Variants in GOLM2 observed in about 807,000 individuals in gnomAD.
The protein encoded by GOLM2 is golgi membrane protein 2.
In GOLM2, 26 loss-of-function variants were observed where a neutral mutation model predicts 55.9. The observed-to-expected ratio is 0.47, with a 90% CI of 0.34 to 0.65. GOLM2 has a LOEUF of 0.65. GOLM2 is among the 30% of genes least tolerant of loss of function. The pLI is 0.01. For synonymous variants in GOLM2, 165 were observed against 194.6 expected, an observed-to-expected ratio of 0.85 and a Z score of 1.27; for missense variants, 486 against 531.8, an observed-to-expected ratio of 0.91 and a Z score of 0.85.
intron 6 of GOLM2, among the ~76,000 whole-genome samples, chr15:44,358,766 A>G (rs995290423): frequency 6.6e-6 from 1 of 152,122 alleles, no homozygotes; most frequent in African/African-American, 2.4e-5. Context: ...ACAAGAGAAA[A>G]CCTGGATTAC....
intron 4 of GOLM2, among the ~76,000 whole-genome samples, chr15:44,332,824 T>TG (rs1224403212): frequency 1.8e-4 from 27 of 151,686 alleles, no homozygotes; most frequent in East Asian, 1.2e-3. Flanking sequence ...ATACTTTTTT[T>TG]GGGGGGGGCA....
In GOLM2 at chr15:44,412,330, G is replaced by A. The variant is rs567422456; in HGVS notation, c.1241-1006G>A. ...AGCCAAGAAAGAGCCAGAAAAATCT[G>A]TAATAGCCAAATAAATCAAACTCCA... On this transcript the variant is annotated intron_variant, in intron 9 of 9. Coordinates refer to ENST00000299957, the MANE Select transcript of GOLM2 (RefSeq NM_138423.4). 4.6e-5 allele frequency among the ~76,000 whole-genome samples: 7 copies of A among 152,240 alleles called. No homozygotes were observed. The East Asian group carries it at 7.7e-4, about 17-fold the overall frequency.
chr15:44,306,159 A>G (rs2078835487), intron 1 of GOLM2, among the ~76,000 whole-genome samples: 1 of 152,210 alleles, frequency 6.6e-6, no homozygotes, highest in Non-Finnish European at 1.5e-5. Context: ...TCTTCTTCCA[A>G]TAGAAGGCTG....
chr15:44,320,026 C>T (rs1392059395), intron 1 of GOLM2, among the ~76,000 whole-genome samples: 8 of 152,156 alleles, frequency 5.3e-5, no homozygotes, highest in African/African-American at 1.7e-4. Flanking sequence ...AATTCCAGAA[C>T]GTTTTCATCA....
At chr15:44,307,089 G>A (rs2078842621) in intron 1 of GOLM2, 1 of 154,806 alleles carries the variant, frequency 6.5e-6, no homozygotes, top group African/African-American at 2.4e-5. Flanking sequence ...ACATTTGCTC[G>A]ATGCAGGGTT....
At chr15:44,319,203 T>C (rs1389129850) in intron 1 of GOLM2, among the ~76,000 whole-genome samples, 1 of 152,102 alleles carries the variant, frequency 6.6e-6, no homozygotes, top group East Asian at 1.9e-4. Flanking sequence ...GTCTGTTGTG[T>C]TATCCTCAGT....
At position 44,396,100 on chromosome 15, in the gene GOLM2, A is replaced by G. The variant is rs532568124; in HGVS notation, c.1073-6787A>G. 5.3e-5 allele frequency among the ~76,000 whole-genome samples: 8 copies of G among 152,262 alleles called. No individual in the cohort carries two copies. In the South Asian group the frequency reaches 1.7e-3, roughly 32 times the overall value. The stretch of plus-strand genomic sequence containing the variant: ...CCAGGTGTGGTGGCTCATGACTGTA[A>G]TCCCAGCACTTTGGGAGGCCGAGGT... On this transcript the variant is annotated intron_variant, in intron 8 of 9. Transcript: ENST00000299957.
At chr15:44,293,728 A>G (rs908545246) in intron 1 of GOLM2, among the ~76,000 whole-genome samples, 1 of 152,142 alleles carries the variant, frequency 6.6e-6, no homozygotes, top group African/African-American at 2.4e-5. Flanking sequence ...GTTAACCTCT[A>G]TCACCTGGCG....
chr15:44,367,536 C>G (rs1293699208), intron 6 of GOLM2, among the ~76,000 whole-genome samples: 1 of 152,030 alleles, frequency 6.6e-6, no homozygotes, highest in African/African-American at 2.4e-5. Flanking sequence ...TGGCTCATGC[C>G]TGTAATCCCA....
intron 6 of GOLM2, among the ~76,000 whole-genome samples, chr15:44,362,433 C>A (rs2079247991): frequency 6.7e-6 from 1 of 150,022 alleles, no homozygotes; most frequent in Non-Finnish European, 1.5e-5. Context: ...GAGTGAACTC[C>A]CATTCACAAT....
chr15:44,377,061 T>C (rs144400017), intron 6 of GOLM2, among the ~76,000 whole-genome samples: 2 of 152,318 alleles, frequency 1.3e-5, no homozygotes, highest in Non-Finnish European at 2.9e-5. Context: ...GTTAAGTTGT[T>C]ACAGTTTATG....
At chr15:44,303,102 CAATA>C (rs71111853) in intron 1 of GOLM2, among the ~76,000 whole-genome samples, 49,394 of 146,776 alleles carry the variant, frequency 0.34, 8,712 homozygotes, top group Middle Eastern at 0.46. Flanking sequence ...TACTCCATCT[CAATA>C]AATAAATAAA....
intron 1 of GOLM2, among the ~76,000 whole-genome samples, chr15:44,306,680 G>C (rs568341969): frequency 6.6e-6 from 1 of 152,178 alleles, no homozygotes; most frequent in Admixed American, 6.6e-5. Flanking sequence ...TTGATTTAAA[G>C]TGAGAGACAT....
intron 2 of GOLM2, among the ~76,000 whole-genome samples, chr15:44,327,395 C>T (rs1471385493): frequency 6.6e-6 from 1 of 151,856 alleles, no homozygotes; most frequent in Non-Finnish European, 1.5e-5. Flanking sequence ...TCTATAAATA[C>T]ACGTATATAT....
At chr15:44,340,266 G>A (rs1281004782) in intron 6 of GOLM2, among the ~76,000 whole-genome samples, 21 of 151,888 alleles carry the variant, frequency 1.4e-4, no homozygotes, top group Admixed American at 1.2e-3. Context: ...GAGAGAGAGA[G>A]CCAAAAATTA....
chr15:44,380,314 TGAG>T (rs2079393193), intron 7 of GOLM2, among the ~76,000 whole-genome samples: 1 of 152,070 alleles, frequency 6.6e-6, no homozygotes, highest in South Asian at 2.1e-4. Flanking sequence ...AAGTCATTGA[TGAG>T]GATAAAAAGG....
intron 1 of GOLM2, among the ~76,000 whole-genome samples, chr15:44,310,754 C>T (rs1264431517): frequency 1.1e-4 from 17 of 151,196 alleles, no homozygotes; most frequent in South Asian, 2.1e-4. Flanking sequence ...CACAGTGGCT[C>T]ACGCCTGTAA....
chr15:44,340,210 T>G (rs191550352), intron 6 of GOLM2, among the ~76,000 whole-genome samples: 12 of 145,426 alleles, frequency 8.3e-5, no homozygotes, highest in Admixed American at 6.0e-4. Flanking sequence ...CCTCCCAAAG[T>G]GCTAGGATTA....
intron 1 of GOLM2, among the ~76,000 whole-genome samples, chr15:44,300,902 A>G (rs917752346): frequency 1.3e-5 from 2 of 152,190 alleles, no homozygotes; most frequent in African/African-American, 4.8e-5. Context: ...GTTTCTGGCC[A>G]GGTAGTTCCT....
Sources: gnomAD v4.1 joint callset for allele counts (sites outside exome capture counted in the v4.1 genomes callset) on GRCh38, gnomAD v4.1.1 for gene constraint, MANE v1.5 for transcripts, NCBI Gene and HGNC (gene_info 2026-07-23, HGNC 2026-07-21) for gene names.